The following DNAJA3 variants were observed in gnomAD, a reference collection of about 807,000 sequenced individuals.
DNAJA3 encodes dnaJ homolog subfamily A member 3, mitochondrial.
In DNAJA3, 29 loss-of-function variants were observed where a neutral mutation model predicts 54.9. The observed-to-expected ratio is 0.53, with a 90% CI of 0.39 to 0.72. The LOEUF is 0.72. Ranked by LOEUF, DNAJA3 falls within the 30% of genes least tolerant of loss-of-function variation. The pLI, the probability that DNAJA3 is intolerant of heterozygous loss-of-function variation, is 0.00. For missense variants in DNAJA3, 708 were observed against 639.4 expected (o/e 1.11, Z -1.16); for synonymous variants, 302 against 251.4 (o/e 1.20, Z -1.90).
In DNAJA3 at chr16:4,455,557, A is replaced by G; in HGVS notation, c.*25A>G. On this transcript the variant is annotated 3_prime_UTR_variant, in exon 12 of 12. Coordinates refer to ENST00000262375, the MANE Select transcript of DNAJA3 (RefSeq NM_005147.6). The stretch of plus-strand genomic sequence containing the variant: ...TCTCTTTGGCTCAGGAAAAAGATCC[A>G]CTGGAAACTAGGCCGGGAAGCAGCA... 1 of 1,551,776 alleles carries G rather than the reference A, an allele frequency of 6.4e-7. No homozygotes were observed. The highest frequency in any genetic ancestry group is 2.4e-5 in the East Asian group (1 of 40,912).
At chr16:4,430,313 A>G (rs75609397) in intron 1 of DNAJA3, among the ~76,000 whole-genome samples, 274 of 152,006 alleles carry the variant, frequency 1.8e-3, no homozygotes, top group African/African-American at 6.0e-3. Flanking sequence ...CATGCCTGCA[A>G]TCCCATTACT....
rs753693250 is a variant in DNAJA3 at position 4,443,047 on chromosome 16, C to T, written c.814C>T (p.Arg272Cys). The T allele has an allele frequency of 2.8e-5, 45 of 1,613,972 alleles. No individual in the cohort carries two copies. The South Asian group carries it at 3.3e-4, about 12-fold the overall frequency. ...CATCAACACAGGCCCTTTTGTGATG[C>T]GTTCCACGTGTAGGAGATGTGGTGG... ...ETINTGPFVM[R>C]STCRRCGGRG... Residue 272 changes from arginine (R) to cysteine (C), a missense_variant, in exon 6 of 12, where the codon CGT (arginine) becomes TGT (cysteine). By Grantham distance (180) the Arg-to-Cys change is radical. Transcript: ENST00000262375.
At chr16:4,439,763 C>G (rs1228742411) in intron 3 of DNAJA3, among the ~76,000 whole-genome samples, 1 of 152,080 alleles carries the variant, frequency 6.6e-6, no homozygotes, top group Non-Finnish European at 1.5e-5. Context: ...TCATGAACTC[C>G]CACCTGACTC....
Position 4,454,890 on chromosome 16 carries a change from A to G in DNAJA3, c.1419A>G (p.Lys473=). The G allele has an allele frequency of 6.2e-7, 1 of 1,613,932 alleles. No individual in the cohort carries two copies. Among genetic ancestry groups the G allele is most frequent in the Non-Finnish European group, 8.5e-7 (1 of 1,179,868 alleles). ...AGEDEEGFLS[K]LKKMFTS is the part of the protein sequence containing the mutation. Reference sequence around the variant, plus strand: ...AGGACGAGGAGGGATTCCTTTCCAAACTTAAGAAAATGTTTACCTCATGAT... The same window carrying G: ...AGGACGAGGAGGGATTCCTTTCCAAGCTTAAGAAAATGTTTACCTCATGAT... Residue 473 remains lysine, a synonymous_variant, in exon 11 of 12, where the codon AAA becomes AAG. Coordinates refer to ENST00000262375, the MANE Select transcript of DNAJA3 (RefSeq NM_005147.6).
In DNAJA3 at chr16:4,426,035, C is replaced by T; in HGVS notation, c.154C>T (p.Leu52=). 4 of 1,606,902 alleles carry T rather than the reference C, an allele frequency of 2.5e-6. No homozygotes were observed. Among genetic ancestry groups the T allele is most frequent in the Non-Finnish European group, 3.4e-6 (4 of 1,177,190 alleles). ...KLSVPAFASS[L]TSCGPRALLT... ...GAGCGTCCCCGCCTTTGCGTCTTCC[C>T]TGACCTCTTGCGGCCCCCGAGCGCT... is the stretch of plus-strand genomic sequence containing the variant. The change falls in exon 1 of 12, where the codon CTG becomes TTG. Residue 52 remains leucine (L), a synonymous_variant. Transcript: ENST00000262375.
chr16:4,454,436 C>G (rs2057012349), intron 10 of DNAJA3, among the ~76,000 whole-genome samples: 1 of 152,152 alleles, frequency 6.6e-6, no homozygotes, highest in Non-Finnish European at 1.5e-5. Flanking sequence ...GTTTTTTCAT[C>G]TGTGAAATTT....
chr16:4,445,918 TTTTTTTTC>T (rs1442460950), intron 7 of DNAJA3, among the ~76,000 whole-genome samples: 3 of 148,966 alleles, frequency 2.0e-5, no homozygotes, highest in Non-Finnish European at 3.0e-5. Context: ...TACTCTTCCC[TTTTTTTTC>T]TTTTTTTTTT....
intron 1 of DNAJA3, among the ~76,000 whole-genome samples, chr16:4,426,544 C>T (rs2056625858): frequency 6.6e-6 from 1 of 152,194 alleles, no homozygotes; most frequent in South Asian, 2.1e-4. Flanking sequence ...AATCGACCAG[C>T]CCAAGGTCAT....
chr16:4,447,272 G>A (rs945456765), intron 8 of DNAJA3: 11 of 466,886 alleles, frequency 2.4e-5, no homozygotes, highest in Middle Eastern at 5.7e-4. Flanking sequence ...GGAACTGGGC[G>A]CATTCAGGAC....
intron 3 of DNAJA3, among the ~76,000 whole-genome samples, chr16:4,438,827 A>G (rs780089685): frequency 3.3e-5 from 5 of 152,060 alleles, no homozygotes; most frequent in Non-Finnish European, 7.4e-5. Context: ...TCATATATCT[A>G]TAAGAGTAGA....
chr16:4,441,643 C>A, intron 4 of DNAJA3, 68 bp downstream of exon 4: 1 of 1,523,694 alleles, frequency 6.6e-7, no homozygotes. Flanking sequence ...ATTTTTTTAT[C>A]AGTTTCTGTT....
At chr16:4,431,950 A>G (rs1567323279) in intron 1 of DNAJA3, 1 of 151,974 alleles carries the variant, frequency 6.6e-6, no homozygotes, top group Non-Finnish European at 1.5e-5. Flanking sequence ...TATTGCTCTT[A>G]GGATAAAATC....
At chr16:4,431,058 C>G (rs2056693355) in intron 1 of DNAJA3, 2 of 152,048 alleles carry the variant, frequency 1.3e-5, no homozygotes, top group African/African-American at 2.4e-5. Flanking sequence ...AAAGAAAAAA[C>G]AAAGCCATCA....
intron 1 of DNAJA3, among the ~76,000 whole-genome samples, chr16:4,429,192 T>A (rs1784808158): frequency 8.0e-6 from 1 of 124,912 alleles, no homozygotes; most frequent in South Asian, 2.6e-4. Flanking sequence ...CGGCCAAGAT[T>A]TTTTTTGTTT....
chr16:4,434,709 G>GA (rs976650709), intron 2 of DNAJA3, among the ~76,000 whole-genome samples, 192 bp downstream of exon 2: 8 of 151,840 alleles, frequency 5.3e-5, no homozygotes, highest in Non-Finnish European at 8.8e-5. Context: ...TGGTGCTTCA[G>GA]AAAAAAGAGG....
At chr16:4,449,078 C>G (rs1467761773) in intron 9 of DNAJA3, among the ~76,000 whole-genome samples, 2 of 152,280 alleles carry the variant, frequency 1.3e-5, no homozygotes, top group South Asian at 2.1e-4. Context: ...CTCACTGCAA[C>G]CTCCGCTTCC....
At chr16:4,453,116 GCA>G (rs1240212207) in intron 10 of DNAJA3, among the ~76,000 whole-genome samples, 1 of 152,198 alleles carries the variant, frequency 6.6e-6, no homozygotes, top group Non-Finnish European at 1.5e-5. Flanking sequence ...GTGCAGTGGT[GCA>G]GTCATAGCTC....
At chr16:4,448,691 AACT>A in intron 8 of DNAJA3, 39 bp from the exon 9 acceptor site, 1 of 1,453,908 alleles carries the variant, frequency 6.9e-7, no homozygotes. Context: ...TTATTTGAGC[AACT>A]GGGGACCAGG....
chr16:4,434,324 C>T (rs1025802614), intron 1 of DNAJA3, 60 bp from the exon 2 acceptor site: 7 of 1,582,668 alleles, frequency 4.4e-6, no homozygotes, highest in African/African-American at 2.7e-5. Context: ...GTCATGTACT[C>T]ACAGTTTTCT....
Sources: gnomAD v4.1 joint callset for allele counts (sites outside exome capture counted in the v4.1 genomes callset) on GRCh38, gnomAD v4.1.1 for gene constraint, MANE v1.5 for transcripts, NCBI Gene and HGNC (gene_info 2026-07-23, HGNC 2026-07-21) for gene names.